The following NIN variants were observed in gnomAD, a reference collection of about 807,000 sequenced individuals.
NIN encodes the protein glycogen synthase kinase 3 beta-interacting protein.
NIN carries 137 observed loss-of-function variants against 257.6 expected under a neutral mutation model. The ratio of observed to expected loss-of-function variants is 0.53; its 90% CI spans 0.46 to 0.61. NIN has a LOEUF of 0.61. NIN is among the 20% of genes least tolerant of loss of function. The probability of loss-of-function intolerance (pLI) is 0.00; values close to 1 mark genes in which losing one functional copy is unlikely to be tolerated. For synonymous variants in NIN, 918 were observed against 919.8 expected, an observed-to-expected ratio of 1.00 and a Z score of 0.04; for missense variants, 2,439 against 2,501.2, an observed-to-expected ratio of 0.98 and a Z score of 0.53.
At chr14:50,762,177 G>C (rs1170918395) in intron 15 of NIN, among the ~76,000 whole-genome samples, 1 of 152,214 alleles carries the variant, frequency 6.6e-6, no homozygotes, top group Non-Finnish European at 1.5e-5. Flanking sequence ...TAGAATAGTA[G>C]GTGGTGGGGC....
At chr14:50,827,301 G>C (rs2045497951) in intron 2 of NIN, among the ~76,000 whole-genome samples, 1 of 152,230 alleles carries the variant, frequency 6.6e-6, no homozygotes, top group African/African-American at 2.4e-5. Context: ...CTGCTTAGCA[G>C]CAAACTGATT....
rs756670221 is a variant in NIN, at chr14:50,758,348, T to C, written c.2682A>G (p.Arg894=). 12 of 1,614,154 alleles carry C rather than the reference T, an allele frequency of 7.4e-6. No individual in the cohort carries two copies. The highest frequency in any genetic ancestry group is 2.2e-5 in the East Asian group (1 of 44,902). The change falls in exon 18 of 31, where the codon AGA becomes AGG. Residue 894 remains arginine, a synonymous_variant. Transcript: ENST00000530997. ...KTTSLVLTQE[R]EMLEKTYKEH... The stretch of plus-strand genomic sequence containing the variant: ...CTTTGTATGTTTTCTCCAGCATCTC[T>C]CTCTCCTGGGTCAGGACCAGAGAAG...
chr14:50,805,384 G>A (rs1346196307), intron 4 of NIN, among the ~76,000 whole-genome samples: 1 of 152,176 alleles, frequency 6.6e-6, no homozygotes, highest in African/African-American at 2.4e-5. Flanking sequence ...TTTCAAGAAT[G>A]CAATAACCTC....
Position 50,721,683 on chromosome 14 carries a change from T to C in NIN, c.*1780A>G, listed in dbSNP as rs1384931517. On this transcript the variant is annotated 3_prime_UTR_variant, in exon 31 of 31. Transcript: ENST00000530997. Reference sequence around the variant, plus strand: ...TGTCAAATATTTTGAAGTATAATTATAGGGAAGGATTAAAATTAACTCTTT... The same window carrying C: ...TGTCAAATATTTTGAAGTATAATTACAGGGAAGGATTAAAATTAACTCTTT... 9.2e-6 allele frequency: 2 copies of C among 217,068 alleles called. No individual in the cohort carries two copies. The highest frequency in any genetic ancestry group is 1.4e-4 in the East Asian group (2 of 14,706). The allele number at this position is 217,068 out of a possible 1,614,324, so 13.4% of individuals were successfully genotyped here.
In NIN at chr14:50,758,594, A is replaced by G. The variant is rs1380550919; in HGVS notation, c.2436T>C (p.Ser812=). The G allele has an allele frequency of 1.3e-6, 2 of 1,596,626 alleles. No individual in the cohort carries two copies. The highest frequency in any genetic ancestry group is 1.7e-6 in the Non-Finnish European group (2 of 1,172,952). Residue 812 remains serine (S), a synonymous_variant, in exon 18 of 31, where the codon TCT becomes TCC. Coordinates refer to ENST00000530997, the MANE Select transcript of NIN (RefSeq NM_020921.4). Reference sequence around the variant, plus strand: ...CAGACTGAAACTGGGCTTCTATTTGAGAGGTTCTTCTATTACACTCTGTTT... The same window carrying G: ...CAGACTGAAACTGGGCTTCTATTTGGGAGGTTCTTCTATTACACTCTGTTT... The part of the protein sequence containing the change: ...KMETECNRRT[S]QIEAQFQSDC...
chr14:50,735,751 CAAAT>C, intron 27 of NIN, 134 bp from the exon 28 acceptor site: 1 of 1,143,752 alleles, frequency 8.7e-7, no homozygotes, highest in Non-Finnish European at 1.2e-6. Context: ...CAGTGACAAA[CAAAT>C]AATACAATTC....
rs1320298604 is a variant in NIN at position 50,720,936 on chromosome 14, T to G, written c.*2527A>C. On this transcript the variant is annotated 3_prime_UTR_variant, in exon 31 of 31. Transcript: ENST00000530997. ...AAAATCAGTGCTTTTAATAAGCAAC[T>G]AAATGCCTATAAAATATATAACTTA... The G allele has an allele frequency of 1.5e-5, 3 of 194,408 alleles. No homozygotes were observed. The highest frequency in any genetic ancestry group is 3.2e-5 in the Non-Finnish European group (3 of 93,410). The allele number at this position is 194,408 out of a possible 1,614,324, so 12.0% of individuals were successfully genotyped here.
chr14:50,766,257 G>T (rs370795601), intron 14 of NIN, 50 bp downstream of exon 14: 2 of 1,437,336 alleles, frequency 1.4e-6, no homozygotes, highest in African/African-American at 2.8e-5. Flanking sequence ...GGAAGCTGGG[G>T]TCTGAACCCA....
rs1595788683 is a variant in NIN at position 50,757,994 on chromosome 14, G to T, written c.3036C>A (p.Ile1012=). The part of the protein sequence containing the change: ...DRERAEMSTE[I]SRLQSKIKEM... ...CCTTTATTTTACTCTGAAGTCTGGA[G>T]ATTTCTGTGCTCATCTCGGCTCTTT... Residue 1012 remains isoleucine (I), a synonymous_variant, in exon 18 of 31, where the codon ATC becomes ATA. Coordinates refer to ENST00000530997, the MANE Select transcript of NIN (RefSeq NM_020921.4). 6.2e-7 allele frequency: 1 copy of T among 1,614,202 alleles called. No homozygotes were observed. Among genetic ancestry groups the T allele is most frequent in the Non-Finnish European group, 8.5e-7 (1 of 1,180,038 alleles).
chr14:50,729,776 T>C, intron 28 of NIN, 53 bp from the exon 29 acceptor site: 1 of 1,382,774 alleles, frequency 7.2e-7, no homozygotes, highest in Non-Finnish European at 9.8e-7. Flanking sequence ...ATCCCAGAGC[T>C]GCCCTTTATG....
intron 7 of NIN, 48 bp from the exon 8 acceptor site, chr14:50,773,143 A>G (rs368377532): frequency 6.6e-7 from 1 of 1,507,510 alleles, no homozygotes; most frequent in African/African-American, 1.4e-5. Flanking sequence ...CAAGTATACA[A>G]GGCCCAAAGT....
chr14:50,760,741 T>C (rs905924981), intron 16 of NIN, among the ~76,000 whole-genome samples: 1 of 152,166 alleles, frequency 6.6e-6, no homozygotes, highest in Non-Finnish European at 1.5e-5. Context: ...GGCGTAATTA[T>C]GGCTCACTGA....
chr14:50,781,694 G>A (rs1219358385), intron 5 of NIN, among the ~76,000 whole-genome samples: 1 of 152,220 alleles, frequency 6.6e-6, no homozygotes, highest in African/African-American at 2.4e-5. Flanking sequence ...GCAAGCTTCT[G>A]ACGACTTCTG....
At chr14:50,748,192 A>T (rs1183860456) in intron 21 of NIN, 87 bp from the exon 22 acceptor site, 1 of 781,632 alleles carries the variant, frequency 1.3e-6, no homozygotes, top group South Asian at 1.5e-5. Flanking sequence ...CATATTAAGG[A>T]AACAGTAATA....
intron 3 of NIN, among the ~76,000 whole-genome samples, chr14:50,811,097 T>G (rs2044576212): frequency 6.6e-6 from 1 of 151,312 alleles, no homozygotes; most frequent in African/African-American, 2.4e-5. Flanking sequence ...ATTAAGTGAA[T>G]CCTGAAGCTA....
At position 50,758,048 on chromosome 14, in the gene NIN, G is replaced by A. The variant is rs775419663; in HGVS notation, c.2982C>T (p.His994=). 12 of 1,614,222 alleles carry A rather than the reference G, an allele frequency of 7.4e-6. No individual in the cohort carries two copies. The highest frequency in any genetic ancestry group is 8.5e-6 in the Non-Finnish European group (10 of 1,180,042). Reference sequence around the variant, plus strand: ...GATCTGCTGTCTCACAGGTCGCTTTGTGAATGTTCTCCATGGCTAGAAGCT... The same window carrying A: ...GATCTGCTGTCTCACAGGTCGCTTTATGAATGTTCTCCATGGCTAGAAGCT... The part of the protein sequence containing the change: ...MSKLLAMENI[H]KATCETADRE... Residue 994 remains histidine, a synonymous_variant, in exon 18 of 31, where the codon CAC becomes CAT. Coordinates refer to ENST00000530997, the MANE Select transcript of NIN (RefSeq NM_020921.4).
intron 8 of NIN, 122 bp downstream of exon 8, chr14:50,772,827 C>T: frequency 3.7e-6 from 3 of 820,554 alleles, no homozygotes; most frequent in Non-Finnish European, 5.7e-6. Context: ...CTTTCTAATT[C>T]TTCTTTTGCT....
rs756793759 is a variant in NIN at position 50,778,753 on chromosome 14, C to T, written c.475+12G>A. 2.5e-6 allele frequency: 4 copies of T among 1,613,924 alleles called. 1 individual carries two copies. Among genetic ancestry groups the T allele is most frequent in the South Asian group, 2.2e-5 (2 of 91,084 alleles). On this transcript the variant is annotated intron_variant, in intron 6 of 30. Coordinates refer to ENST00000530997, the MANE Select transcript of NIN (RefSeq NM_020921.4). ...TCCCTTCCAGGCACGTCCTGACACA[C>T]TCGGCTCTTACCTTCCGCTTCATAC...
At position 50,723,571 on chromosome 14, in the gene NIN, T is replaced by TG; in HGVS notation, c.6293dup (p.Ala2099SerfsTer17). The TG allele has an allele frequency of 6.2e-7, 1 of 1,613,974 alleles. No homozygotes were observed. Among genetic ancestry groups the TG allele is most frequent in the Non-Finnish European group, 8.5e-7 (1 of 1,179,862 alleles). ...CCAGGAGGTAATTTTTCTTCTCTGC[T>TG]GTTTTCTGTCGCTGTTCAGTCACTT... is the stretch of plus-strand genomic sequence containing the variant. On this transcript the variant is annotated frameshift_variant, in exon 31 of 31. Coordinates refer to ENST00000530997, the MANE Select transcript of NIN (RefSeq NM_020921.4). LOFTEE classifies it high-confidence loss of function.
Sources: gnomAD v4.1 joint callset for allele counts (sites outside exome capture counted in the v4.1 genomes callset) on GRCh38, gnomAD v4.1.1 for gene constraint, MANE v1.5 for transcripts, NCBI Gene and HGNC (gene_info 2026-07-23, HGNC 2026-07-21) for gene names.